PRKCD: variants seen among roughly 807,000 people sequenced by gnomAD.
The protein encoded by PRKCD is protein kinase C delta type.
A neutral mutation model predicts 82.2 loss-of-function variants in PRKCD; 20 were observed. The observed-to-expected ratio is 0.24, with a 90% CI of 0.17 to 0.35. The LOEUF is 0.35. Ranked by LOEUF, PRKCD falls within the 10% of genes least tolerant of loss-of-function variation. The pLI, the probability that PRKCD is intolerant of heterozygous loss-of-function variation, is 1.00. For synonymous variants in PRKCD, 317 were observed against 337.0 expected (o/e 0.94, Z 0.65); for missense variants, 607 against 899.0 (o/e 0.68, Z 4.15).
At chr3:53,172,286 G>T (rs1464330819) in intron 2 of PRKCD, among the ~76,000 whole-genome samples, 1 of 151,958 alleles carries the variant, frequency 6.6e-6, no homozygotes, top group Non-Finnish European at 1.5e-5. Flanking sequence ...CCTTGTTTCC[G>T]CTGGGAAGGC....
At chr3:53,176,112 C>T (rs1032074171) in intron 2 of PRKCD, among the ~76,000 whole-genome samples, 1 of 152,196 alleles carries the variant, frequency 6.6e-6, no homozygotes, top group African/African-American at 2.4e-5. Context: ...CCAACTGGCC[C>T]TCTCTCCCTG....
chr3:53,183,184 C>A lies in PRKCD; in HGVS notation c.635C>A (p.Ala212Glu). The A allele has an allele frequency of 6.2e-7, 1 of 1,614,194 alleles. No homozygotes were observed. The highest frequency in any genetic ancestry group is 1.1e-5 in the South Asian group (1 of 91,086). ...DKIIGRCTGT[A>E]ANSRDTIFQK... Reference sequence around the variant, plus strand: ...ATCATCGGCAGATGCACTGGCACCGCGGCCAACAGCCGGGACACTATAGTG... The same window carrying A: ...ATCATCGGCAGATGCACTGGCACCGAGGCCAACAGCCGGGACACTATAGTG... Residue 212 changes from alanine (A) to glutamate (E), a missense_variant, in exon 8 of 19, where the codon GCG becomes GAG. By Grantham distance (107) the Ala-to-Glu change is moderately radical. Transcript: ENST00000330452.
Position 53,186,606 on chromosome 3 carries a change from C to T in PRKCD, c.1263C>T (p.Asp421=). ...THLICTFQTK[D]HLFFVMEFLN... is the part of the protein sequence containing the mutation. ...GCTCACCACCCTTCCCACCCCAGGACCACCTGTTCTTTGTGATGGAGTTCC... is the reference window on the plus strand; with the variant it reads ...GCTCACCACCCTTCCCACCCCAGGATCACCTGTTCTTTGTGATGGAGTTCC... Residue 421 remains aspartate, a splice_region_variant and synonymous_variant, in exon 14 of 19, where the codon GAC becomes GAT. Coordinates refer to ENST00000330452, the MANE Select transcript of PRKCD (RefSeq NM_006254.4). The T allele has an allele frequency of 5.0e-6, 8 of 1,612,080 alleles. No homozygotes were observed. The highest frequency in any genetic ancestry group is 6.8e-6 in the Non-Finnish European group (8 of 1,178,814).
At chr3:53,181,392 G>A (rs1183590296) in intron 5 of PRKCD, 52 bp from the exon 6 acceptor site, 2 of 1,612,468 alleles carry the variant, frequency 1.2e-6, no homozygotes, top group Non-Finnish European at 8.5e-7. Flanking sequence ...GACTGTAGGG[G>A]TGCCACCCCT....
At chr3:53,181,368 A>C (rs1703433983) in intron 5 of PRKCD, 76 bp from the exon 6 acceptor site, 1 of 1,609,312 alleles carries the variant, frequency 6.2e-7, no homozygotes, top group South Asian at 1.1e-5. Flanking sequence ...GCTGTCCAGG[A>C]CCACCCTGGG....
At chr3:53,188,218 G>A (rs1282020603) in intron 15 of PRKCD, among the ~76,000 whole-genome samples, 4 of 42,492 alleles carry the variant, frequency 9.4e-5, no homozygotes, top group Non-Finnish European at 2.8e-4. Context: ...AAAAAAAGGT[G>A]GGAGCGAGCT....
intron 7 of PRKCD, chr3:53,181,960 T>A: frequency 1.4e-6 from 1 of 722,692 alleles, no homozygotes; most frequent in East Asian, 2.8e-5. Context: ...TGACGGGGAG[T>A]TGGTGGATGG....
chr3:53,162,947 C>G (rs1702722762), intron 1 of PRKCD, among the ~76,000 whole-genome samples: 1 of 152,064 alleles, frequency 6.6e-6, no homozygotes, highest in Admixed American at 6.5e-5. Flanking sequence ...GTTTCTGTGA[C>G]CAGGCCCACC....
intron 7 of PRKCD, among the ~76,000 whole-genome samples, chr3:53,182,898 C>T (rs1178755659): frequency 2.6e-5 from 4 of 152,222 alleles, no homozygotes; most frequent in African/African-American, 9.6e-5. Context: ...TTCTAAGCCC[C>T]TGCAGATTGG....
rs370808161 is a variant in PRKCD at position 53,184,956 on chromosome 3, C to A, written c.870C>A (p.Ala290=). Residue 290 remains alanine, a synonymous_variant, in exon 10 of 19, where the codon GCC becomes GCA. Transcript: ENST00000330452. ...TCAACCAGAAGCTTTTGGCTGAGGC[C>A]TTGAACCAAGTCACCCAGGTGGGCA... is the stretch of plus-strand genomic sequence containing the variant. ...CGINQKLLAE[A]LNQVTQRASR... is the part of the protein sequence containing the mutation. 6.2e-7 allele frequency: 1 copy of A among 1,614,014 alleles called. No individual in the cohort carries two copies. Among genetic ancestry groups the A allele is most frequent in the Non-Finnish European group, 8.5e-7 (1 of 1,179,936 alleles).
At chr3:53,182,173 T>C (rs7622987) in intron 7 of PRKCD, among the ~76,000 whole-genome samples, 149,361 of 152,330 alleles carry the variant, frequency 0.98, 73,277 homozygotes, top group East Asian at 1. Flanking sequence ...CAGGCTGGAG[T>C]CAGACTGCCT....
At chr3:53,184,675 CAAAA>C (rs535517121) in intron 9 of PRKCD, among the ~76,000 whole-genome samples, 195 bp from the exon 10 acceptor site, 125 of 116,782 alleles carry the variant, frequency 1.1e-3, no homozygotes, top group Non-Finnish European at 2.5e-4. Flanking sequence ...AACTCCATCT[CAAAA>C]AAAAAAAAAA....
intron 2 of PRKCD, among the ~76,000 whole-genome samples, chr3:53,175,366 G>A (rs1266461800): frequency 6.6e-6 from 1 of 152,108 alleles, no homozygotes; most frequent in Non-Finnish European, 1.5e-5. Context: ...GGGTGATAGT[G>A]GTAAGAGGAA....
chr3:53,192,174 A>G lies in PRKCD; in HGVS notation c.1939A>G (p.Ser647Gly). Residue 647 changes from serine to glycine, a missense_variant, in exon 19 of 19, where the codon AGC becomes GGC. Physicochemically the swap from Ser to Gly is moderately conservative, Grantham distance 56. Transcript: ENST00000330452. ...GAACGAGAAGGCGCGCCTCTCCTAC[A>G]GCGACAAGAACCTCATCGACTCCAT... ...FLNEKARLSY[S>G]DKNLIDSMDQ... 2.5e-6 allele frequency: 4 copies of G among 1,613,954 alleles called. No homozygotes were observed. Among genetic ancestry groups the G allele is most frequent in the African/African-American group, 2.7e-5 (2 of 74,996 alleles).
intron 2 of PRKCD, among the ~76,000 whole-genome samples, chr3:53,176,779 CA>C (rs1703226905): frequency 6.6e-6 from 1 of 152,228 alleles, no homozygotes; most frequent in African/African-American, 2.4e-5. Context: ...TATGAATCTG[CA>C]AGGCACATTC....
chr3:53,185,866 C>A, intron 11 of PRKCD, 61 bp from the exon 12 acceptor site: 1 of 1,580,974 alleles, frequency 6.3e-7, no homozygotes, highest in Non-Finnish European at 8.7e-7. Context: ...CCCCAGGCCC[C>A]GGGGGAGGGG....
chr3:53,186,409 G>A (rs1386472403), intron 13 of PRKCD, 69 bp downstream of exon 13: 8 of 1,585,942 alleles, frequency 5.0e-6, no homozygotes, highest in African/African-American at 1.3e-5. Flanking sequence ...GCCCCCCTCA[G>A]TCAGGGCTGT....
chr3:53,188,498 A>G (rs1553669885), intron 15 of PRKCD, among the ~76,000 whole-genome samples: 2 of 152,204 alleles, frequency 1.3e-5, no homozygotes. Flanking sequence ...GGCTTCAGGA[A>G]GTAGGGCAGT....
In PRKCD at chr3:53,185,921, G is replaced by T; in HGVS notation, c.986-6G>T. ...CCGATCTGAGGAGGTGCCATCTCTC[G>T]GGCAGACAACAGTGGGACCTACGGC... On this transcript the variant is annotated splice_polypyrimidine_tract_variant and splice_region_variant and intron_variant, in intron 11 of 18. Transcript: ENST00000330452. 3 of 1,614,034 alleles carry T rather than the reference G, an allele frequency of 1.9e-6. No individual in the cohort carries two copies.
Sources: allele counts gnomAD v4.1 joint callset (sites outside exome capture counted in the v4.1 genomes callset), GRCh38; gene constraint gnomAD v4.1.1; transcripts MANE v1.5; gene names NCBI Gene and HGNC (gene_info 2026-07-23, HGNC 2026-07-21).